Variants in EIF2B4 observed in about 807,000 individuals in gnomAD.
EIF2B4 encodes the protein eukaryotic translation initiation factor 2B subunit delta.
In EIF2B4, 34 loss-of-function variants were observed where a neutral mutation model predicts 66.7. The observed-to-expected ratio is 0.51, with a 90% CI of 0.39 to 0.68. The LOEUF is 0.68. Among genes scored for constraint, EIF2B4 ranks in the 30% least tolerant of loss-of-function variants. The probability of loss-of-function intolerance (pLI) is 0.00; values close to 1 mark genes in which losing one functional copy is unlikely to be tolerated. For missense variants in EIF2B4, 618 were observed against 657.9 expected, an observed-to-expected ratio of 0.94 and a Z score of 0.66; for synonymous variants, 278 against 253.6, an observed-to-expected ratio of 1.10 and a Z score of -0.92.
Position 27,367,103 on chromosome 2 carries a change from A to G in EIF2B4, c.984T>C (p.Ser328=). ...AISRFAYQKI[S]NGDVILVYGC... is the part of the protein sequence containing the mutation. ...CATATACCAGGATCACATCTCCATTACTGATCTTCTGGTAAGCAAAGCGTG... is the reference window on the plus strand; with the variant it reads ...CATATACCAGGATCACATCTCCATTGCTGATCTTCTGGTAAGCAAAGCGTG... The change falls in exon 10 of 13, where the codon AGT becomes AGC. Residue 328 remains serine, a synonymous_variant. Transcript: ENST00000347454. 1 of 1,614,208 alleles carries G rather than the reference A, an allele frequency of 6.2e-7. No homozygotes were observed. The highest frequency in any genetic ancestry group is 8.5e-7 in the Non-Finnish European group (1 of 1,180,044).
intron 8 of EIF2B4, 55 bp from the exon 9 acceptor site, chr2:27,367,614 C>A (rs1393299814): frequency 6.2e-7 from 1 of 1,600,988 alleles, no homozygotes; most frequent in African/African-American, 1.3e-5. Flanking sequence ...ACTTACAAAG[C>A]CTTCACATTT....
intron 11 of EIF2B4, 35 bp downstream of exon 11, chr2:27,366,724 C>T (rs1179874741): frequency 6.2e-7 from 1 of 1,613,088 alleles, no homozygotes; most frequent in Non-Finnish European, 8.5e-7. Flanking sequence ...CACCTTTTCA[C>T]CGCCAACTTT....
At position 27,368,065 on chromosome 2, in the gene EIF2B4, G is replaced by T; in HGVS notation, c.665C>A (p.Ser222Tyr). ...AAGCAGGGCAATACACCGGGCATTG[G>T]AGCCACTGACCAGGCCCTGGGAGTA... ...LQYSQGLVSG[S>Y]NARCIALLRA... The change falls in exon 7 of 13, where the codon TCC (serine) becomes TAC (tyrosine). Residue 222 changes from serine to tyrosine, a missense_variant. Transcript: ENST00000347454. The T allele has an allele frequency of 6.3e-7, 1 of 1,598,568 alleles. No homozygotes were observed. Among genetic ancestry groups the T allele is most frequent in the Non-Finnish European group, 8.5e-7 (1 of 1,172,380 alleles).
intron 11 of EIF2B4, 92 bp downstream of exon 11, chr2:27,366,667 A>G: frequency 6.6e-7 from 1 of 1,521,148 alleles, no homozygotes; most frequent in Non-Finnish European, 9.1e-7. Flanking sequence ...CTCAAAACAA[A>G]AACAAAACTG....
intron 11 of EIF2B4, chr2:27,365,433 G>A (rs1166509551): frequency 1.9e-5 from 3 of 158,494 alleles, no homozygotes; most frequent in African/African-American, 2.7e-5. Context: ...CTGGAGTGCA[G>A]TGGCATGATC....
rs747094092 is a variant in EIF2B4, at chr2:27,364,755, C to T, written c.1335G>A (p.Glu445=). The T allele has an allele frequency of 1.2e-6, 2 of 1,614,206 alleles. No individual in the cohort carries two copies. Among genetic ancestry groups the T allele is most frequent in the Non-Finnish European group, 1.7e-6 (2 of 1,180,042 alleles). ...AGACAAAGGCATCAGTCTGCACACG[C>T]TCACAGAACTTGTATGTTTCACAGC... The part of the protein sequence containing the change: ...LVCCETYKFC[E]RVQTDAFVSN... The change falls in exon 12 of 13, where the codon GAG becomes GAA. Residue 445 remains glutamate (E), a synonymous_variant. Coordinates refer to ENST00000347454, the MANE Select transcript of EIF2B4 (RefSeq NM_001034116.2).
Position 27,364,580 on chromosome 2 carries a change from T to C in EIF2B4, c.1392A>G (p.Gln464=), listed in dbSNP as rs148810263. 6,466 of 1,614,238 alleles carry C rather than the reference T, an allele frequency of 4.0e-3. 18 individuals are homozygous for C. Among genetic ancestry groups the C allele is most frequent in the Non-Finnish European group, 4.2e-3 (4,978 of 1,180,044 alleles). ...SNELDDPDDL[Q]CKRGEHVALA... is the part of the protein sequence containing the mutation. ...GCGCAACATGTTCTCCCCGCTTACA[T>C]TGCAGATCATCAGGGTCATCTGCAA... The change falls in exon 13 of 13, where the codon CAA becomes CAG. Residue 464 remains glutamine, a synonymous_variant. Coordinates refer to ENST00000347454, the MANE Select transcript of EIF2B4 (RefSeq NM_001034116.2).
At chr2:27,364,992 T>G (rs1023871008) in intron 11 of EIF2B4, 94 bp from the exon 12 acceptor site, 37 of 1,253,118 alleles carry the variant, frequency 3.0e-5, no homozygotes, top group Admixed American at 1.6e-4. Flanking sequence ...TTAAGACAAG[T>G]AATAAATCTC....
intron 4 of EIF2B4, 49 bp downstream of exon 4, chr2:27,368,957 T>G: frequency 6.2e-7 from 1 of 1,609,516 alleles, no homozygotes; most frequent in Non-Finnish European, 8.5e-7. Flanking sequence ...CAGCCTGAGC[T>G]GGCGTTATAA....
In EIF2B4 at chr2:27,364,533, G is replaced by A. The variant is rs991103916; in HGVS notation, c.1439C>T (p.Ala480Val). 1.2e-5 allele frequency: 19 copies of A among 1,614,220 alleles called. No homozygotes were observed. The highest frequency in any genetic ancestry group is 1.6e-5 in the Non-Finnish European group (19 of 1,180,042). Residue 480 changes from alanine to valine, a missense_variant, in exon 13 of 13, where the codon GCA (alanine) becomes GTA (valine). By Grantham distance (64) the Ala-to-Val change is moderately conservative. This residue lies in a region of EIF2B4 where 63 missense variants were observed against 47.5 expected (regional missense o/e 1.33). Coordinates refer to ENST00000347454, the MANE Select transcript of EIF2B4 (RefSeq NM_001034116.2). ...GACTAGATTCAACAACCGTAGGGAT[G>A]CGTGGTTCTGCCAGTTAGCCAGCGC... is the stretch of plus-strand genomic sequence containing the variant. ...HVALANWQNH[A>V]SLRLLNLVYD...
At position 27,367,995 on chromosome 2, in the gene EIF2B4, G is replaced by A. The variant is rs1410837676; in HGVS notation, c.705+30C>T. Reference sequence around the variant, plus strand: ...GGTAGTATTGGGGGAGGTGGGGTTGGATCATAAGAGAGAACAGGATGGGAC... The same window carrying A: ...GGTAGTATTGGGGGAGGTGGGGTTGAATCATAAGAGAGAACAGGATGGGAC... On this transcript the variant is annotated intron_variant, in intron 7 of 12. Coordinates refer to ENST00000347454, the MANE Select transcript of EIF2B4 (RefSeq NM_001034116.2). 3.9e-6 allele frequency: 6 copies of A among 1,553,350 alleles called. No homozygotes were observed. In the South Asian group the frequency reaches 5.8e-5, roughly 15 times the overall value.
rs1052248420 is a variant in EIF2B4, at chr2:27,369,758, A to G, written c.75+118T>C. On this transcript the variant is annotated intron_variant, in intron 2 of 12. Transcript: ENST00000347454. ...CCCTAGGGTTGCAAGACCTCTGTAAAATCTCCTGGCTTTACTGAGAAATAA... is the reference window on the plus strand; with the variant it reads ...CCCTAGGGTTGCAAGACCTCTGTAAGATCTCCTGGCTTTACTGAGAAATAA... 2.7e-6 allele frequency: 4 copies of G among 1,466,100 alleles called. No homozygotes were observed. In the African/African-American group the frequency reaches 5.7e-5, roughly 21 times the overall value. The allele number at this position is 1,466,100 out of a possible 1,614,324, so 90.8% of individuals were successfully genotyped here.
rs1162316920 is a variant in EIF2B4, at chr2:27,369,543, C to T, written c.82G>A (p.Gly28Arg). 1.3e-5 allele frequency: 21 copies of T among 1,614,014 alleles called. No homozygotes were observed. The highest frequency in any genetic ancestry group is 1.8e-5 in the Non-Finnish European group (21 of 1,180,046). Residue 28 changes from glycine to arginine, a missense_variant, in exon 3 of 13, where the codon GGG (glycine) becomes AGG (arginine). By Grantham distance (125) the Gly-to-Arg change is moderately radical. Coordinates refer to ENST00000347454, the MANE Select transcript of EIF2B4 (RefSeq NM_001034116.2). ...AELPPGPGAVGREMTKEEKLQ... is the reference protein window; with the variant it reads ...AELPPGPGAVRREMTKEEKLQ... ...TTTTCTTCTTTGGTCATTTCCCTCC[C>T]CACTGCCTGAGACACAGACATAGGA... is the stretch of plus-strand genomic sequence containing the variant.
In EIF2B4 at chr2:27,367,770, A is replaced by C; in HGVS notation, c.758T>G (p.Val253Gly). The C allele has an allele frequency of 6.2e-7, 1 of 1,614,140 alleles. No homozygotes were observed. Among genetic ancestry groups the C allele is most frequent in the South Asian group, 1.1e-5 (1 of 91,080 alleles). The change falls in exon 8 of 13, where the codon GTG becomes GGG. Residue 253 changes from valine (V) to glycine (G), a missense_variant. Val to Gly is a moderately radical substitution (Grantham distance 109, BLOSUM62 -3). Around this residue, in one of 4 missense-constraint regions of EIF2B4, gnomAD observed 506 missense variants for 511.9 expected, o/e 0.99. Transcript: ENST00000347454. ...CCTCATGTAGGGTTTTAGTTTATTC[A>C]CTAGATCCCTGGAGAGTTCTTCATT... ...PPNEELSRDL[V>G]NKLKPYMSFL...
chr2:27,366,861 G>A lies in EIF2B4; in HGVS notation c.1089C>T (p.Ser363=). 1 of 1,614,168 alleles carries A rather than the reference G, an allele frequency of 6.2e-7. No homozygotes were observed. The highest frequency in any genetic ancestry group is 8.5e-7 in the Non-Finnish European group (1 of 1,180,030). The change falls in exon 11 of 13, where the codon AGC becomes AGT. Residue 363 remains serine (S), a synonymous_variant. Transcript: ENST00000347454. Reference sequence around the variant, plus strand: ...TGTGCCTTCCTTCCAGCCATGGCCGGCTGTCCACCACTACCACCCGAAACC... The same window carrying A: ...TGTGCCTTCCTTCCAGCCATGGCCGACTGTCCACCACTACCACCCGAAACC... The part of the protein sequence containing the change: ...GRRFRVVVVD[S]RPWLEGRHTL...
chr2:27,365,055 C>CTTTTT (rs35891906), intron 11 of EIF2B4, 157 bp from the exon 12 acceptor site: 6 of 556,022 alleles, frequency 1.1e-5, no homozygotes, highest in Non-Finnish European at 9.0e-6. Context: ...AGTAATAAAT[C>CTTTTT]TTTTTTTTTT....
At chr2:27,367,942 A>C (rs1471849365) in intron 7 of EIF2B4, 83 bp downstream of exon 7, 16 of 1,485,536 alleles carry the variant, frequency 1.1e-5, no homozygotes, top group Admixed American at 7.5e-5. Context: ...TCTGTCCCCC[A>C]GAGATGACCT....
At chr2:27,368,530 GA>G in intron 5 of EIF2B4, 67 bp from the exon 6 acceptor site, 1 of 1,558,080 alleles carries the variant, frequency 6.4e-7, no homozygotes, top group Non-Finnish European at 8.9e-7. Context: ...AGCTGGAAAG[GA>G]AGTGAACAGT....
Position 27,367,214 on chromosome 2 carries a change from A to G in EIF2B4, c.886-13T>C. 1.2e-6 allele frequency: 2 copies of G among 1,614,136 alleles called. No homozygotes were observed. The highest frequency in any genetic ancestry group is 1.7e-6 in the Non-Finnish European group (2 of 1,180,030). On this transcript the variant is annotated splice_polypyrimidine_tract_variant and intron_variant, in intron 9 of 12. Coordinates refer to ENST00000347454, the MANE Select transcript of EIF2B4 (RefSeq NM_001034116.2). ...GTTCTGACTTGGCCTAAATGGAGTA[A>G]AATCCTTAGTGAACAAGAAATGGAC... is the stretch of plus-strand genomic sequence containing the variant.
Sources: allele counts gnomAD v4.1 joint callset, GRCh38; gene constraint gnomAD v4.1.1; regional missense constraint gnomAD v4.1.1; transcripts MANE v1.5; gene names NCBI Gene and HGNC (gene_info 2026-07-23, HGNC 2026-07-21).